Variants in PPP1R1C observed in about 807,000 individuals in gnomAD.
PPP1R1C encodes the protein protein phosphatase 1 regulatory subunit 1C.
PPP1R1C carries 15 observed loss-of-function variants against 17.4 expected under a neutral mutation model. The observed-to-expected ratio is 0.86, with a 90% confidence interval of 0.58 to 1.33. The LOEUF is 1.33. Ranked by LOEUF, PPP1R1C falls within the 40% of genes most tolerant of loss-of-function variation. PPP1R1C has a pLI of 0.00. For missense variants in PPP1R1C, 143 were observed against 130.0 expected (o/e 1.10, Z -0.48); for synonymous variants, 35 against 43.1 (o/e 0.81, Z 0.73).
chr2:182,102,637 G>A (rs1015379874), intron 4 of PPP1R1C, among the ~76,000 whole-genome samples: 5 of 152,012 alleles, frequency 3.3e-5, no homozygotes, highest in African/African-American at 1.2e-4. Flanking sequence ...CTCTCAAATT[G>A]TGGATTCAAA....
intron 2 of PPP1R1C, among the ~76,000 whole-genome samples, chr2:182,006,971 C>T (rs1275110373): frequency 6.6e-6 from 1 of 152,100 alleles, no homozygotes; most frequent in African/African-American, 2.4e-5. Context: ...TATATATTCT[C>T]ATGTTTCAGC....
intron 1 of PPP1R1C, among the ~76,000 whole-genome samples, chr2:181,969,011 C>T (rs2125133037): frequency 6.6e-6 from 1 of 152,202 alleles, no homozygotes; most frequent in East Asian, 1.9e-4. Flanking sequence ...TGATATCCCC[C>T]TGCTTTTTAA....
chr2:182,109,498 C>G (rs1477967872), intron 4 of PPP1R1C, among the ~76,000 whole-genome samples: 1 of 152,096 alleles, frequency 6.6e-6, no homozygotes, highest in Non-Finnish European at 1.5e-5. Context: ...AAGTCTGGAT[C>G]AATTTGGGTT....
chr2:182,028,146 T>G (rs1235141793), intron 2 of PPP1R1C, among the ~76,000 whole-genome samples: 3 of 137,008 alleles, frequency 2.2e-5, no homozygotes, highest in Admixed American at 7.7e-5. Context: ...ATTTTGTTGA[T>G]CCTTTCAAAA....
chr2:182,072,584 T>G (rs1688171944), intron 4 of PPP1R1C, among the ~76,000 whole-genome samples: 1 of 152,114 alleles, frequency 6.6e-6, no homozygotes. Flanking sequence ...GACCTGAGCC[T>G]TTTTTTAGGG....
At chr2:182,116,788 A>G (rs183490195) in intron 4 of PPP1R1C, among the ~76,000 whole-genome samples, 34 of 152,314 alleles carry the variant, frequency 2.2e-4, no homozygotes, top group African/African-American at 7.7e-4. Flanking sequence ...TTTGTTGTTT[A>G]TAAGTTACAG....
At chr2:182,120,818 T>A (rs1022386492), downstream of PPP1R1C, among the ~76,000 whole-genome samples, 3 of 152,096 alleles carry the variant, frequency 2.0e-5, no homozygotes, top group African/African-American at 7.2e-5. Flanking sequence ...ACAGTATAGC[T>A]TCTGGATTTT....
chr2:182,031,819 G>A (rs1244141479), intron 2 of PPP1R1C, among the ~76,000 whole-genome samples: 1 of 152,074 alleles, frequency 6.6e-6, no homozygotes, highest in Non-Finnish European at 1.5e-5. Flanking sequence ...CTACTACTTA[G>A]CCAAACCTAC....
chr2:182,001,055 C>T (rs17456648), intron 2 of PPP1R1C, among the ~76,000 whole-genome samples: 44,124 of 152,004 alleles, frequency 0.29, 6,677 homozygotes, highest in Middle Eastern at 0.36. Flanking sequence ...GATACCTACA[C>T]TTGCTGATGC....
At chr2:182,080,734 G>A (rs1574435637) in intron 4 of PPP1R1C, among the ~76,000 whole-genome samples, 1 of 148,296 alleles carries the variant, frequency 6.7e-6, no homozygotes, top group East Asian at 2.0e-4. Context: ...GAAAAAAAAA[G>A]GAAAATATTA....
rs2125129440 is a variant in PPP1R1C, at chr2:181,957,427, C to A, written n.111+2793C>A. Among the ~76,000 whole-genome samples, 1 of 152,262 alleles carries A rather than the reference C, an allele frequency of 6.6e-6. No individual in the cohort carries two copies. Among genetic ancestry groups the A allele is most frequent in the South Asian group, 2.1e-4 (1 of 4,816 alleles). On this transcript the variant is annotated intron_variant and non_coding_transcript_variant, in intron 1 of 5. Transcript: ENST00000464264. This position sits in a 1 kb window ranked among gnomAD's most constrained non-coding sequence, Gnocchi z 4.2. The stretch of plus-strand genomic sequence containing the variant: ...TTGAAATTCCACTCAATTCATGAAG[C>A]CATCTCAGTTTCTTCTGGGACAGGT...
At chr2:181,993,413 C>A (rs914089234) in intron 2 of PPP1R1C, among the ~76,000 whole-genome samples, 2 of 152,108 alleles carry the variant, frequency 1.3e-5, no homozygotes, top group Admixed American at 6.5e-5. Context: ...AGGTACCAGC[C>A]ACCCCCAGGG....
At chr2:182,075,860 T>C (rs1297296012) in intron 4 of PPP1R1C, among the ~76,000 whole-genome samples, 1 of 152,178 alleles carries the variant, frequency 6.6e-6, no homozygotes, top group Admixed American at 6.5e-5. Context: ...AAGCTTTGCC[T>C]CAACTTACAG....
chr2:182,093,751 T>C lies in PPP1R1C; in HGVS notation c.242-23456T>C, dbSNP rs546057432. Among the ~76,000 whole-genome samples the C allele has an allele frequency of 3.2e-4, 49 of 152,312 alleles. No homozygotes were observed. In the South Asian group the frequency reaches 9.1e-3, roughly 28 times the overall value. On this transcript the variant is annotated intron_variant, in intron 4 of 4. Coordinates refer to ENST00000682840, the MANE Select transcript of PPP1R1C (RefSeq NM_001080545.3). ...TGCTAAAACATAATAAGAGTCACCT[T>C]TGCTCCAATTCCCAATAAGTTCCTC...
chr2:182,080,365 CA>C (rs1268708479), intron 4 of PPP1R1C, among the ~76,000 whole-genome samples: 3 of 152,184 alleles, frequency 2.0e-5, no homozygotes, highest in Non-Finnish European at 4.4e-5. Flanking sequence ...TGCTCAGATT[CA>C]AAGCCTCAAC....
intron 4 of PPP1R1C, among the ~76,000 whole-genome samples, chr2:182,109,566 T>C (rs1353090475): frequency 6.6e-6 from 1 of 152,226 alleles, no homozygotes; most frequent in Non-Finnish European, 1.5e-5. Flanking sequence ...TGCATGTGGA[T>C]GTCCAGTTGT....
rs1165789924 is a variant in PPP1R1C, at chr2:182,076,197, C to CTTTTTTTTTTTTTTTTTT, written c.241+12430_241+12447dup. On this transcript the variant is annotated intron_variant, in intron 4 of 4. Transcript: ENST00000682840. ...GATTTTGAACTTTTTTTTTTCTTTT[C>CTTTTTTTTTTTTTTTTTT]TTTTTTTTTTTTTTTTTTTTTTTTT... Among the ~76,000 whole-genome samples, 53 of 25,866 alleles carry CTTTTTTTTTTTTTTTTTT rather than the reference C, an allele frequency of 2.0e-3. 15 individuals carry two copies. Among genetic ancestry groups the CTTTTTTTTTTTTTTTTTT allele is most frequent in the East Asian group, 5.9e-3 (4 of 676 alleles). The allele number at this position is 25,866 out of a possible 152,430, so 17.0% of individuals were successfully genotyped here. A position where few individuals can be genotyped will look rare whatever the true frequency, so the allele number is the denominator to read the frequency against.
rs567383290 is a variant in PPP1R1C at position 182,044,822 on chromosome 2, A to G, written c.143-16620A>G. On this transcript the variant is annotated intron_variant, in intron 2 of 4. Coordinates refer to ENST00000682840, the MANE Select transcript of PPP1R1C (RefSeq NM_001080545.3). ...GATCCATAGTGACAGACAACCTTAC[A>G]TATAAGACACAGATTATCATAGGCG... is the stretch of plus-strand genomic sequence containing the variant. 5.9e-5 allele frequency among the ~76,000 whole-genome samples: 9 copies of G among 152,336 alleles called. No homozygotes were observed. In the South Asian group the frequency reaches 1.9e-3, roughly 32 times the overall value.
chr2:182,048,605 A>G (rs1479465491), intron 2 of PPP1R1C, among the ~76,000 whole-genome samples: 1 of 152,244 alleles, frequency 6.6e-6, no homozygotes, highest in Non-Finnish European at 1.5e-5. Flanking sequence ...TGAGCTGTGC[A>G]TAACAATTTC....
Sources: gnomAD v4.1 joint callset for allele counts (sites outside exome capture counted in the v4.1 genomes callset) on GRCh38, gnomAD v4.1.1 for gene constraint, Gnocchi (gnomAD v3.1) non-coding constraint, MANE v1.5 for transcripts, NCBI Gene and HGNC (gene_info 2026-07-23, HGNC 2026-07-21) for gene names.